COL12A1: variants seen among roughly 807,000 people sequenced by gnomAD.
The protein encoded by COL12A1 is collagen alpha-1(XII) chain.
In COL12A1, 114 loss-of-function variants were observed where a neutral mutation model predicts 349.7. The observed-to-expected ratio is 0.33, with a 90% CI of 0.28 to 0.38. The LOEUF is 0.38. COL12A1 is among the 10% of genes least tolerant of loss of function. The pLI is 1.00. For missense variants in COL12A1, 3,284 were observed against 3,756.9 expected (o/e 0.87, Z 3.29); for synonymous variants, 1,369 against 1,329.0 (o/e 1.03, Z -0.66).
At chr6:75,133,197 C>T in intron 34 of COL12A1, 96 bp downstream of exon 34, 1 of 1,164,656 alleles carries the variant, frequency 8.6e-7, no homozygotes, top group Non-Finnish European at 1.1e-6. Flanking sequence ...TCTATCACAC[C>T]AAACTTTCCT....
Position 75,125,250 on chromosome 6 carries a change from A to C in COL12A1, c.6484T>G (p.Phe2162Val), listed in dbSNP as rs1765955872. 6.2e-7 allele frequency: 1 copy of C among 1,609,816 alleles called. No homozygotes were observed. Among genetic ancestry groups the C allele is most frequent in the African/African-American group, 1.3e-5 (1 of 74,790 alleles). ...PVGSNEPMEA[F>V]VGEMTSYTLH... Reference sequence around the variant, plus strand: ...GTATATGATGTCATTTCTCCAACAAAGGCTTCCATGGGCTCATTGGAACCT... The same window carrying C: ...GTATATGATGTCATTTCTCCAACAACGGCTTCCATGGGCTCATTGGAACCT... The change falls in exon 40 of 66, where the codon TTT becomes GTT. Residue 2162 changes from phenylalanine to valine, a missense_variant. Coordinates refer to ENST00000322507, the MANE Select transcript of COL12A1 (RefSeq NM_004370.6).
chr6:75,100,339 A>G (rs751794049), intron 58 of COL12A1, among the ~76,000 whole-genome samples: 4 of 152,160 alleles, frequency 2.6e-5, no homozygotes, highest in Non-Finnish European at 5.9e-5. Flanking sequence ...ATGTGATGGA[A>G]ACAAGGCTTC....
rs184570198 is a variant in COL12A1, at chr6:75,146,048, T to C, written c.4560+54A>G. The C allele has an allele frequency of 1.9e-5, 28 of 1,507,598 alleles. No homozygotes were observed. The Middle Eastern group carries it at 9.0e-4, about 48-fold the overall frequency. 93.4% of individuals were successfully genotyped at this position (1,507,598 alleles called of 1,614,324 possible). A position where few individuals can be genotyped will look rare whatever the true frequency, so the allele number is the denominator to read the frequency against. On this transcript the variant is annotated intron_variant, in intron 24 of 65. Coordinates refer to ENST00000322507, the MANE Select transcript of COL12A1 (RefSeq NM_004370.6). The stretch of plus-strand genomic sequence containing the variant: ...AGTAACTGCAGTATAATAGGCACTA[T>C]AAAGCTATAAAGTCTTGGGAAGACC...
At chr6:75,201,064 C>T (rs1770503189) in intron 2 of COL12A1, among the ~76,000 whole-genome samples, 2 of 152,082 alleles carry the variant, frequency 1.3e-5, no homozygotes, top group Non-Finnish European at 2.9e-5. Flanking sequence ...CTTTGCTAAC[C>T]AGCCAATATC....
At chr6:75,117,612 C>A in intron 46 of COL12A1, 66 bp from the exon 47 acceptor site, 16 of 1,514,178 alleles carry the variant, frequency 1.1e-5, no homozygotes, top group Middle Eastern at 1.8e-4. Context: ...TAGAACAATG[C>A]AAAAAAATTC....
intron 22 of COL12A1, 112 bp from the exon 23 acceptor site, chr6:75,147,916 G>C (rs1767284232): frequency 3.5e-6 from 4 of 1,145,634 alleles, no homozygotes; most frequent in Middle Eastern, 2.4e-4. Flanking sequence ...ATTTCAATTA[G>C]GCCATTGTCT....
At chr6:75,155,535 T>G in intron 16 of COL12A1, 127 bp downstream of exon 16, 4 of 978,448 alleles carry the variant, frequency 4.1e-6, no homozygotes, top group Non-Finnish European at 5.8e-6. Context: ...TTTAGCTGAT[T>G]TTAAATACTT....
intron 31 of COL12A1, among the ~76,000 whole-genome samples, chr6:75,136,206 GA>G (rs1044070314): frequency 6.6e-6 from 1 of 151,546 alleles, no homozygotes; most frequent in Non-Finnish European, 1.5e-5. Flanking sequence ...GCATGCCACA[GA>G]AAAAAAAGAA....
intron 11 of COL12A1, among the ~76,000 whole-genome samples, chr6:75,178,967 C>T (rs1769121908): frequency 6.6e-6 from 1 of 152,144 alleles, no homozygotes; most frequent in Non-Finnish European, 1.5e-5. Flanking sequence ...AGCAGATAGA[C>T]TGATGGGTTG....
At chr6:75,196,504 T>C (rs1226555995) in intron 2 of COL12A1, among the ~76,000 whole-genome samples, 1 of 152,206 alleles carries the variant, frequency 6.6e-6, no homozygotes, top group Non-Finnish European at 1.5e-5. Flanking sequence ...GATACACTAG[T>C]ATTGGAATGA....
chr6:75,101,500 A>G (rs1046080098), intron 58 of COL12A1, 100 bp downstream of exon 58: 1 of 1,157,492 alleles, frequency 8.6e-7, no homozygotes. Flanking sequence ...CACAAGATAT[A>G]TTACCAGCCT....
intron 31 of COL12A1, among the ~76,000 whole-genome samples, chr6:75,136,714 T>C (rs973802387): frequency 2.0e-5 from 3 of 152,168 alleles, no homozygotes; most frequent in African/African-American, 7.2e-5. Flanking sequence ...TATGTAAAAA[T>C]CATGAGGCTT....
intron 52 of COL12A1, among the ~76,000 whole-genome samples, chr6:75,106,726 T>C (rs1194081034): frequency 1.3e-5 from 2 of 152,102 alleles, no homozygotes; most frequent in Non-Finnish European, 2.9e-5. Context: ...GATTCACTTC[T>C]TTGGCCAAAA....
At chr6:75,161,500 C>A (rs1281896646) in intron 14 of COL12A1, among the ~76,000 whole-genome samples, 1 of 152,046 alleles carries the variant, frequency 6.6e-6, no homozygotes, top group Non-Finnish European at 1.5e-5. Flanking sequence ...ACATTTCATT[C>A]CTGCCACGTC....
chr6:75,149,227 T>C (rs1767357163), intron 21 of COL12A1, among the ~76,000 whole-genome samples: 1 of 152,158 alleles, frequency 6.6e-6, no homozygotes, highest in Non-Finnish European at 1.5e-5. Context: ...AATAAGAATT[T>C]AGGTCCTGAC....
chr6:75,182,479 G>A (rs1220244866), intron 10 of COL12A1, among the ~76,000 whole-genome samples: 3 of 151,744 alleles, frequency 2.0e-5, no homozygotes, highest in South Asian at 4.2e-4. Flanking sequence ...TTCTGTTCTT[G>A]TGTTAGTTTG....
chr6:75,173,779 A>G (rs1281574277), intron 13 of COL12A1, among the ~76,000 whole-genome samples: 1 of 152,192 alleles, frequency 6.6e-6, no homozygotes, highest in Non-Finnish European at 1.5e-5. Context: ...ATTAATTACA[A>G]TATCTACAAC....
chr6:75,097,190 T>C, intron 59 of COL12A1, 63 bp downstream of exon 59: 2 of 1,413,418 alleles, frequency 1.4e-6, no homozygotes, highest in Non-Finnish European at 2.0e-6. Flanking sequence ...GGCAGGTTAC[T>C]AGCAAAATGA....
chr6:75,116,662 T>G lies in COL12A1; in HGVS notation c.7520-605A>C, dbSNP rs148654852. Reference sequence around the variant, plus strand: ...TAGTAAACCAACAAAGTCTGTTTACTCTAACCAGAGTTCTTGTTTTTAAAA... The same window carrying G: ...TAGTAAACCAACAAAGTCTGTTTACGCTAACCAGAGTTCTTGTTTTTAAAA... On this transcript the variant is annotated intron_variant, in intron 47 of 65. Coordinates refer to ENST00000322507, the MANE Select transcript of COL12A1 (RefSeq NM_004370.6). Among the ~76,000 whole-genome samples the G allele has an allele frequency of 4.6e-5, 7 of 152,260 alleles. No homozygotes were observed. In the East Asian group the frequency reaches 1.4e-3, roughly 29 times the overall value.
Sources: allele counts gnomAD v4.1 joint callset (sites outside exome capture counted in the v4.1 genomes callset), GRCh38; gene constraint gnomAD v4.1.1; transcripts MANE v1.5; gene names NCBI Gene and HGNC (gene_info 2026-07-23, HGNC 2026-07-21).